The following CMSS1 variants were observed in gnomAD, a reference collection of about 807,000 sequenced individuals.
CMSS1 encodes the protein protein CMSS1.
In CMSS1, 33 loss-of-function variants were observed where a neutral mutation model predicts 43.5. That is an observed-to-expected ratio of 0.76 (90% confidence interval 0.57 to 1.01). The LOEUF (loss-of-function observed/expected upper bound fraction) is 1.01, where lower values mean the gene tolerates loss of function less well. CMSS1 is among the 50% of genes least tolerant of loss of function. CMSS1 has a pLI of 0.00. For synonymous variants in CMSS1, 115 were observed against 117.2 expected, an observed-to-expected ratio of 0.98 and a Z score of 0.12; for missense variants, 313 against 326.4, an observed-to-expected ratio of 0.96 and a Z score of 0.32.
intron 1 of CMSS1, among the ~76,000 whole-genome samples, chr3:100,035,735 G>A (rs2065097090): frequency 1.3e-5 from 2 of 152,170 alleles, no homozygotes; most frequent in Non-Finnish European, 2.9e-5. Context: ...TATTGTAATA[G>A]AAAAATTCAA....
chr3:100,044,443 T>C (rs1216487734), intron 1 of CMSS1, among the ~76,000 whole-genome samples: 1 of 151,810 alleles, frequency 6.6e-6, no homozygotes, highest in East Asian at 1.9e-4. Context: ...AAAGAATGAG[T>C]AGGAGTTAGC....
intron 1 of CMSS1, among the ~76,000 whole-genome samples, chr3:99,889,247 T>C (rs2107612310): frequency 6.6e-6 from 1 of 152,268 alleles, no homozygotes; most frequent in Non-Finnish European, 1.5e-5. Flanking sequence ...TCCTTGTGTT[T>C]CTGGCAATTC....
intron 6 of CMSS1, among the ~76,000 whole-genome samples, chr3:100,171,342 C>G (rs552694228): frequency 6.6e-6 from 1 of 151,370 alleles, no homozygotes; most frequent in Non-Finnish European, 1.5e-5. Flanking sequence ...GGATAGAAGC[C>G]CCCCCTCTTC....
intron 1 of CMSS1, among the ~76,000 whole-genome samples, chr3:100,106,957 C>T (rs1576069920): frequency 1.3e-5 from 2 of 152,174 alleles, no homozygotes; most frequent in East Asian, 1.9e-4. Flanking sequence ...AAGGGAGCCC[C>T]ATTACAGTGG....
intron 1 of CMSS1, among the ~76,000 whole-genome samples, chr3:100,036,662 G>A (rs746308025): frequency 1.3e-5 from 2 of 152,194 alleles, no homozygotes; most frequent in African/African-American, 2.4e-5. Context: ...ATCAATGGCT[G>A]CTGAAACAAT....
intron 1 of CMSS1, among the ~76,000 whole-genome samples, chr3:99,866,211 T>A (rs1314381136): frequency 6.6e-6 from 1 of 152,162 alleles, no homozygotes; most frequent in Admixed American, 6.5e-5. Flanking sequence ...TGTGGCTTTC[T>A]TACCTTAATT....
chr3:99,992,142 A>T (rs1709542942), intron 1 of CMSS1, among the ~76,000 whole-genome samples: 1 of 151,826 alleles, frequency 6.6e-6, no homozygotes, highest in Non-Finnish European at 1.5e-5. Context: ...AAGTGCAGCT[A>T]TCTTTTTGAT....
At chr3:99,857,637 C>A (rs1185425734) in intron 1 of CMSS1, among the ~76,000 whole-genome samples, 6 of 152,182 alleles carry the variant, frequency 3.9e-5, no homozygotes, top group Admixed American at 2.0e-4. Flanking sequence ...GATTGTTTTG[C>A]AGTTTTTCAG....
At chr3:99,905,740 C>G (rs542526180) in intron 1 of CMSS1, among the ~76,000 whole-genome samples, 8 of 152,282 alleles carry the variant, frequency 5.3e-5, no homozygotes, top group Admixed American at 2.0e-4. Context: ...CATTTGATGT[C>G]TATTACTGTA....
intron 1 of CMSS1, among the ~76,000 whole-genome samples, chr3:100,085,555 C>A (rs145017409): frequency 3.9e-5 from 6 of 152,242 alleles, no homozygotes; most frequent in Admixed American, 2.0e-4. Context: ...CAACCAAGAC[C>A]CCTCTGTGTT....
At chr3:99,954,822 T>C (rs1708273730) in intron 1 of CMSS1, among the ~76,000 whole-genome samples, 1 of 150,136 alleles carries the variant, frequency 6.7e-6, no homozygotes, top group South Asian at 2.1e-4. Flanking sequence ...CAAGACTCTG[T>C]CTCAAAAAAA....
rs1179402440 is a variant in CMSS1, at chr3:99,916,457, CA to C, written c.64+98415del. Among the ~76,000 whole-genome samples the C allele has an allele frequency of 1.2e-4, 18 of 149,254 alleles. No homozygotes were observed. In the East Asian group the frequency reaches 2.1e-3, roughly 18 times the overall value. On this transcript the variant is annotated intron_variant, in intron 1 of 9. Transcript: ENST00000421999. ...GTTTATACACACACACACACACACA[CA>C]CACACACACACACACACACACACAC...
chr3:100,091,225 C>A (rs2066100972), intron 1 of CMSS1, among the ~76,000 whole-genome samples: 1 of 147,856 alleles, frequency 6.8e-6, no homozygotes, highest in African/African-American at 2.5e-5. Context: ...GCGGAACTTG[C>A]AGTGAGCCGA....
At chr3:99,848,883 C>T (rs375851105) in intron 1 of CMSS1, 11 of 1,613,916 alleles carry the variant, frequency 6.8e-6, no homozygotes, top group East Asian at 2.2e-5. Context: ...CTGCAGTACT[C>T]GTGTAAGAGT....
At chr3:100,103,915 A>T (rs1045064748) in intron 1 of CMSS1, among the ~76,000 whole-genome samples, 1 of 152,198 alleles carries the variant, frequency 6.6e-6, no homozygotes, top group African/African-American at 2.4e-5. Context: ...AATAAGAATC[A>T]TGAGCACGGG....
intron 1 of CMSS1, among the ~76,000 whole-genome samples, chr3:100,055,014 T>C (rs2065440342): frequency 6.6e-6 from 1 of 152,122 alleles, no homozygotes; most frequent in East Asian, 1.9e-4. Context: ...TCATCTCTGC[T>C]TCCGTGCTTT....
intron 6 of CMSS1, among the ~76,000 whole-genome samples, chr3:100,168,187 A>G (rs2067080384): frequency 6.6e-6 from 1 of 152,244 alleles, no homozygotes; most frequent in African/African-American, 2.4e-5. Flanking sequence ...TATCTGGAAG[A>G]AAAGCATTCC....
At chr3:99,933,324 C>T (rs763417904) in intron 1 of CMSS1, among the ~76,000 whole-genome samples, 36 of 152,228 alleles carry the variant, frequency 2.4e-4, no homozygotes, top group Non-Finnish European at 2.9e-4. Flanking sequence ...GTCACTGGCT[C>T]TTCCCTAGGT....
At chr3:99,830,591 G>T (rs1046202011) in intron 1 of CMSS1, 2 of 456,558 alleles carry the variant, frequency 4.4e-6, no homozygotes, top group Non-Finnish European at 8.8e-6. Context: ...TTCTCTGCTT[G>T]CATACCTCCT....
Sources: gnomAD v4.1 joint callset for allele counts (sites outside exome capture counted in the v4.1 genomes callset) on GRCh38, gnomAD v4.1.1 for gene constraint, MANE v1.5 for transcripts, NCBI Gene and HGNC (gene_info 2026-07-23, HGNC 2026-07-21) for gene names.